Variants in CAMSAP1 observed in about 807,000 individuals in gnomAD.
CAMSAP1 encodes calmodulin-regulated spectrin-associated protein 1.
A neutral mutation model predicts 143.5 loss-of-function variants in CAMSAP1; 58 were observed. That is an observed-to-expected ratio of 0.40 (90% CI 0.33 to 0.50). The LOEUF (loss-of-function observed/expected upper bound fraction) is 0.50. Among genes scored for constraint, CAMSAP1 ranks in the 20% least tolerant of loss-of-function variants. The probability of loss-of-function intolerance (pLI) is 0.45; values close to 1 mark genes in which losing one functional copy is unlikely to be tolerated. For synonymous variants in CAMSAP1, 945 were observed against 859.3 expected (o/e 1.10, Z -1.74); for missense variants, 1,969 against 2,115.7 (o/e 0.93, Z 1.36).
intron 5 of CAMSAP1, among the ~76,000 whole-genome samples, chr9:135,858,977 C>T (rs1439509112): frequency 2.0e-5 from 3 of 152,244 alleles, no homozygotes; most frequent in Admixed American, 1.3e-4. Flanking sequence ...CTGACTCACA[C>T]CCATCTCCCC....
chr9:135,815,853 G>A, intron 15 of CAMSAP1, 37 bp downstream of exon 15: 3 of 1,543,146 alleles, frequency 1.9e-6, no homozygotes. Context: ...GTATGGCCAT[G>A]CCCACGATGA....
intron 1 of CAMSAP1, among the ~76,000 whole-genome samples, chr9:135,886,578 C>G (rs1210448506): frequency 2.0e-5 from 3 of 152,244 alleles, no homozygotes; most frequent in Non-Finnish European, 2.9e-5. Context: ...CGTGCCTGCG[C>G]TGGGAGGACC....
In CAMSAP1 at chr9:135,827,399, A is replaced by G; in HGVS notation, c.1223+8T>C. The G allele has an allele frequency of 6.7e-7, 1 of 1,494,156 alleles. No homozygotes were observed. The highest frequency in any genetic ancestry group is 2.2e-5 in the Admixed American group (1 of 45,808). 92.6% of individuals were successfully genotyped at this position (1,494,156 alleles called of 1,614,324 possible). A position where few individuals can be genotyped will look rare whatever the true frequency, so the allele number is the denominator to read the frequency against. ...GAACTGATTCTGAAAGCAGAAAGAC[A>G]GACTTACAGGTATTCAGGTTCTTCC... On this transcript the variant is annotated splice_region_variant and intron_variant, in intron 8 of 16. Transcript: ENST00000389532.
At chr9:135,899,807 C>T (rs989245193) in intron 1 of CAMSAP1, among the ~76,000 whole-genome samples, 17 of 152,254 alleles carry the variant, frequency 1.1e-4, no homozygotes, top group African/African-American at 3.9e-4. Context: ...AGACTACAAA[C>T]TCAGTTTTCA....
Position 135,818,553 on chromosome 9 carries a change from C to A in CAMSAP1, c.4023G>T (p.Lys1341Asn). Residue 1341 changes from lysine (K) to asparagine (N), a missense_variant, in exon 13 of 17, where the codon AAG becomes AAT. Lys to Asn is a moderately conservative substitution (Grantham distance 94, BLOSUM62 0). This residue lies in a region of CAMSAP1 where 1,390 missense variants were observed against 1,420.8 expected (regional missense o/e 0.98). Coordinates refer to ENST00000389532, the MANE Select transcript of CAMSAP1 (RefSeq NM_015447.4). The surrounding 1 kb of genome is among the most constrained non-coding windows in gnomAD (Gnocchi z 7.7). ...EEEKARRELI[K>N]QEYLRRKQQQ... ...GCTGCTTCCTCCGCAGGTACTCCTG[C>A]TTGATGAGCTCGCGCCGCGCCTTCT... is the stretch of plus-strand genomic sequence containing the variant. The A allele has an allele frequency of 6.2e-7, 1 of 1,613,238 alleles. No homozygotes were observed. The highest frequency in any genetic ancestry group is 8.5e-7 in the Non-Finnish European group (1 of 1,179,850).
chr9:135,850,198 C>A lies in CAMSAP1; in HGVS notation c.984G>T (p.Trp328Cys), dbSNP rs1836723443. ...NVMVFIAELF[W>C]WFENVKPDFV... ...AATCTGGCTTGACATTCTCGAACCACCAAAAAAGCTCCGCAATAAAAACCA... is the reference window on the plus strand; with the variant it reads ...AATCTGGCTTGACATTCTCGAACCAACAAAAAAGCTCCGCAATAAAAACCA... The change falls in exon 7 of 17, where the codon TGG becomes TGT. Residue 328 changes from tryptophan (W) to cysteine (C), a missense_variant. Trp to Cys is a radical substitution (Grantham distance 215, BLOSUM62 -2). Around this residue, in one of 4 missense-constraint regions of CAMSAP1, gnomAD observed 221 missense variants for 298.2 expected, o/e 0.74. Coordinates refer to ENST00000389532, the MANE Select transcript of CAMSAP1 (RefSeq NM_015447.4). 1 of 1,612,812 alleles carries A rather than the reference C, an allele frequency of 6.2e-7. No homozygotes were observed. Among genetic ancestry groups the A allele is most frequent in the Admixed American group, 1.7e-5 (1 of 59,888 alleles).
rs112278061 is a variant in CAMSAP1, at chr9:135,818,036, C to T, written c.4212G>A (p.Leu1404=). ...CGGGTTCTGTCGTCGCCGCAGAGGC[C>T]AAGGACAGGCTGGAGCCTGACTGAG... ...SRTQSGSSLS[L]ASAATTEPES... is the part of the protein sequence containing the mutation. Residue 1404 remains leucine, a synonymous_variant, in exon 14 of 17, where the codon TTG becomes TTA. Coordinates refer to ENST00000389532, the MANE Select transcript of CAMSAP1 (RefSeq NM_015447.4). The surrounding 1 kb of genome is among the most constrained non-coding windows in gnomAD (Gnocchi z 7.7). The T allele has an allele frequency of 7.6e-5, 122 of 1,613,958 alleles. No individual in the cohort carries two copies. The African/African-American group carries it at 1.1e-3, about 14-fold the overall frequency.
intron 5 of CAMSAP1, among the ~76,000 whole-genome samples, chr9:135,855,976 T>C (rs145981409): frequency 3.4e-4 from 52 of 151,446 alleles, no homozygotes; most frequent in Non-Finnish European, 5.9e-4. Context: ...GGCGTGAACC[T>C]GGGAGGTGGA....
In CAMSAP1 at chr9:135,824,083, C is replaced by T; in HGVS notation, c.1316-49G>A. 2 of 1,475,858 alleles carry T rather than the reference C, an allele frequency of 1.4e-6. No individual in the cohort carries two copies. Among genetic ancestry groups the T allele is most frequent in the Non-Finnish European group, 1.9e-6 (2 of 1,077,654 alleles). The allele number at this position is 1,475,858 out of a possible 1,614,324, so 91.4% of individuals were successfully genotyped here. ...GTGTTAAGTAACCAATTTTCTATCA[C>T]TTGAAATTCTTTCAATATGACCATT... is the stretch of plus-strand genomic sequence containing the variant. On this transcript the variant is annotated intron_variant, in intron 9 of 16. Coordinates refer to ENST00000389532, the MANE Select transcript of CAMSAP1 (RefSeq NM_015447.4). The surrounding 1 kb of genome is among the most constrained non-coding windows in gnomAD (Gnocchi z 4.1).
intron 3 of CAMSAP1, among the ~76,000 whole-genome samples, chr9:135,878,061 C>A (rs866658202): frequency 6.6e-6 from 1 of 152,172 alleles, no homozygotes; most frequent in Non-Finnish European, 1.5e-5. Flanking sequence ...TCTAGTTACA[C>A]AATCACCAGG....
rs368835784 is a variant in CAMSAP1, at chr9:135,882,288, G to A, written c.424-494C>T. Among the ~76,000 whole-genome samples, 8 of 152,114 alleles carry A rather than the reference G, an allele frequency of 5.3e-5. No individual in the cohort carries two copies. Among genetic ancestry groups the A allele is most frequent in the Middle Eastern group, 3.4e-3 (1 of 294 alleles). ...ATGACACTCTCTTCAACCACCGCAC[G>A]GCACCCGCAGTCTCACCGGGAACGC... On this transcript the variant is annotated intron_variant, in intron 2 of 16. Coordinates refer to ENST00000389532, the MANE Select transcript of CAMSAP1 (RefSeq NM_015447.4). This position sits in a 1 kb window ranked among gnomAD's most constrained non-coding sequence, Gnocchi z 4.9.
At chr9:135,812,045 C>T (rs989032448) in intron 16 of CAMSAP1, among the ~76,000 whole-genome samples, 1 of 152,154 alleles carries the variant, frequency 6.6e-6, no homozygotes, top group Non-Finnish European at 1.5e-5. Context: ...CAACTTGGCT[C>T]TTCTCCAAAC....
rs779650243 is a variant in CAMSAP1, at chr9:135,819,118, G to A, written c.3851C>T (p.Ala1284Val). 1 of 1,601,998 alleles carries A rather than the reference G, an allele frequency of 6.2e-7. No individual in the cohort carries two copies. The highest frequency in any genetic ancestry group is 1.7e-5 in the Admixed American group (1 of 58,826). ...CAGGAGGAAGGCCGCCCGCTTCTTG[G>A]CGAGCTCATCTTCCGCTTTCTGTTC... ...KDEQKAEDELAKKRAAFLLKQ... is the reference protein window; with the variant it reads ...KDEQKAEDELVKKRAAFLLKQ... The change falls in exon 12 of 17, where the codon GCC becomes GTC. Residue 1284 changes from alanine (A) to valine (V), a missense_variant. By Grantham distance (64) the Ala-to-Val change is moderately conservative. Around this residue, in one of 4 missense-constraint regions of CAMSAP1, gnomAD observed 1,390 missense variants for 1,420.8 expected, o/e 0.98. Transcript: ENST00000389532.
rs1834962324 is a variant in CAMSAP1, at chr9:135,809,458, T to C, written c.*1851A>G. On this transcript the variant is annotated 3_prime_UTR_variant, in exon 17 of 17. Coordinates refer to ENST00000389532, the MANE Select transcript of CAMSAP1 (RefSeq NM_015447.4). Reference sequence around the variant, plus strand: ...TTTTCTAGCTCTTCATTAAAAAGAATCCAATTCCACTGACTTCGATAGGGC... The same window carrying C: ...TTTTCTAGCTCTTCATTAAAAAGAACCCAATTCCACTGACTTCGATAGGGC... 1 of 152,212 alleles carries C rather than the reference T, an allele frequency of 6.6e-6. No homozygotes were observed. Among genetic ancestry groups the C allele is most frequent in the Non-Finnish European group, 1.5e-5 (1 of 68,020 alleles). The allele number at this position is 152,212 out of a possible 1,614,324, so 9.4% of individuals were successfully genotyped here.
Position 135,818,249 on chromosome 9 carries a change from G to T in CAMSAP1, c.4168+159C>A. 2 of 1,094,734 alleles carry T rather than the reference G, an allele frequency of 1.8e-6. No homozygotes were observed. Among genetic ancestry groups the T allele is most frequent in the African/African-American group, 1.6e-5 (1 of 63,974 alleles). 67.8% of individuals were successfully genotyped at this position (1,094,734 alleles called of 1,614,324 possible). A position where few individuals can be genotyped will look rare whatever the true frequency, so the allele number is the denominator to read the frequency against. ...GCCTGGATGTGCCGCACATCTCAGA[G>T]CATCTGGTCTCAACATTGTCATCCA... is the stretch of plus-strand genomic sequence containing the variant. On this transcript the variant is annotated intron_variant, in intron 13 of 16. Transcript: ENST00000389532. This position sits in a 1 kb window ranked among gnomAD's most constrained non-coding sequence, Gnocchi z 7.7.
intron 1 of CAMSAP1, among the ~76,000 whole-genome samples, chr9:135,891,170 G>C (rs540669908): frequency 4.6e-5 from 7 of 152,294 alleles, no homozygotes; most frequent in African/African-American, 1.7e-4. Context: ...CAAGCTGGAG[G>C]GGGAATCCTG....
chr9:135,829,583 G>C (rs539185055), intron 7 of CAMSAP1, among the ~76,000 whole-genome samples: 41 of 152,302 alleles, frequency 2.7e-4, no homozygotes, highest in African/African-American at 9.6e-4. Context: ...GCCAGGCACA[G>C]TGGCTCACAC....
At position 135,811,656 on chromosome 9, in the gene CAMSAP1, A is replaced by T. The variant is rs1371831992; in HGVS notation, c.4507-45T>A. ...GGGAAGAGACAAACACTTCAGGGCC[A>T]CTCCAATTGCCACGAGTTGGGCTCC... On this transcript the variant is annotated intron_variant, in intron 16 of 16. Transcript: ENST00000389532. This position sits in a 1 kb window ranked among gnomAD's most constrained non-coding sequence, Gnocchi z 4.9. The T allele has an allele frequency of 1.3e-6, 2 of 1,531,502 alleles. No individual in the cohort carries two copies. Among genetic ancestry groups the T allele is most frequent in the Non-Finnish European group, 1.8e-6 (2 of 1,132,506 alleles). The allele number at this position is 1,531,502 out of a possible 1,614,324, so 94.9% of individuals were successfully genotyped here.
chr9:135,832,106 G>C (rs1015746432), intron 7 of CAMSAP1, among the ~76,000 whole-genome samples: 3 of 152,074 alleles, frequency 2.0e-5, no homozygotes, highest in Non-Finnish European at 4.4e-5. Context: ...GGCAGACATA[G>C]ACACCAGAAG....
Sources: allele counts gnomAD v4.1 joint callset (sites outside exome capture counted in the v4.1 genomes callset), GRCh38; gene constraint gnomAD v4.1.1; regional missense constraint gnomAD v4.1.1; non-coding constraint Gnocchi (gnomAD v3.1); transcripts MANE v1.5; gene names NCBI Gene and HGNC (gene_info 2026-07-23, HGNC 2026-07-21).